RILPL2: variants seen among roughly 807,000 people sequenced by gnomAD.
The protein encoded by RILPL2 is RILP-like protein 2.
A neutral mutation model predicts 22.2 loss-of-function variants in RILPL2; 19 were observed. That is an observed-to-expected ratio of 0.86 (90% CI 0.60 to 1.25). The LOEUF is 1.25. Ranked by LOEUF, RILPL2 falls within the 50% of genes most tolerant of loss-of-function variation. The pLI is 0.00. For synonymous variants in RILPL2, 123 were observed against 111.6 expected (o/e 1.10, Z -0.64); for missense variants, 243 against 263.6 (o/e 0.92, Z 0.54).
chr12:123,429,401 T>C (rs566647107), intron 2 of RILPL2, among the ~76,000 whole-genome samples: 59 of 152,284 alleles, frequency 3.9e-4, no homozygotes, highest in Non-Finnish European at 7.6e-4. Flanking sequence ...TTTCAAGTGA[T>C]TCTCCTGCCT....
rs182907855 is a variant in RILPL2, at chr12:123,430,239, T to C, written c.491+269A>G. Reference sequence around the variant, plus strand: ...TCTGCCTAACACGGTGAAACTCCGTTTCTACTAAAAATACAAAAAATTAGC... The same window carrying C: ...TCTGCCTAACACGGTGAAACTCCGTCTCTACTAAAAATACAAAAAATTAGC... On this transcript the variant is annotated intron_variant, in intron 2 of 3. Coordinates refer to ENST00000280571, the MANE Select transcript of RILPL2 (RefSeq NM_145058.3). Among the ~76,000 whole-genome samples the C allele has an allele frequency of 3.4e-3, 511 of 150,488 alleles. 4 individuals are homozygous for C. The highest frequency in any genetic ancestry group is 0.011 in the African/African-American group (434 of 40,882).
At chr12:123,412,689 T>A (rs950450611), downstream of RILPL2, 1 of 152,212 alleles carries the variant, frequency 6.6e-6, no homozygotes, top group African/African-American at 2.4e-5. Context: ...AGGACAATAG[T>A]GATACCCATC....
At chr12:123,426,433 G>C (rs539537385) in intron 2 of RILPL2, among the ~76,000 whole-genome samples, 97 of 152,280 alleles carry the variant, frequency 6.4e-4, no homozygotes, top group Non-Finnish European at 1.2e-3. Context: ...GATTACAGGT[G>C]TGAGCCACCT....
At chr12:123,411,012 C>G (rs1479440669), downstream of RILPL2, 1 of 152,112 alleles carries the variant, frequency 6.6e-6, no homozygotes, top group Admixed American at 6.6e-5. Context: ...CATGCGTGAG[C>G]CACTGTGCCT....
intron 3 of RILPL2, among the ~76,000 whole-genome samples, chr12:123,421,492 C>G (rs992253983): frequency 2.6e-5 from 4 of 151,988 alleles, no homozygotes; most frequent in African/African-American, 9.7e-5. Flanking sequence ...ACCACTGCCC[C>G]CAGAGGAAGA....
chr12:123,410,270 A>G (rs554775333), downstream of RILPL2, among the ~76,000 whole-genome samples: 2 of 152,306 alleles, frequency 1.3e-5, no homozygotes, highest in Non-Finnish European at 2.9e-5. Flanking sequence ...GAGGCTCTGA[A>G]TCATCACTGC....
At chr12:123,411,379 T>A (rs892157284), downstream of RILPL2, 1 of 144,960 alleles carries the variant, frequency 6.9e-6, no homozygotes, top group Non-Finnish European at 1.5e-5. Flanking sequence ...GTAATCCCTG[T>A]AATCCCACCA....
At position 123,425,986 on chromosome 12, in the gene RILPL2, T is replaced by A. The variant is rs962944364; in HGVS notation, c.492-2829A>T. Among the ~76,000 whole-genome samples the A allele has an allele frequency of 3.0e-4, 45 of 152,090 alleles. 1 individual carries two copies. Among genetic ancestry groups the A allele is most frequent in the African/African-American group, 6.7e-4 (28 of 41,496 alleles). ...TATTGTTATCAATAATTAAAAAAAA[T>A]TTTTTTGAGACAGGGTCTTGATCCA... On this transcript the variant is annotated intron_variant, in intron 2 of 3. Transcript: ENST00000280571.
At position 123,415,113 on chromosome 12, in the gene RILPL2, G is replaced by A. The variant is rs777558322; in HGVS notation, c.*778C>T. The A allele has an allele frequency of 4.6e-5, 7 of 152,242 alleles. No homozygotes were observed. In the East Asian group the frequency reaches 5.8e-4, roughly 13 times the overall value. 9.4% of individuals were successfully genotyped at this position (152,242 alleles called of 1,614,324 possible). On this transcript the variant is annotated 3_prime_UTR_variant, in exon 4 of 4. Coordinates refer to ENST00000280571, the MANE Select transcript of RILPL2 (RefSeq NM_145058.3). ...GCGGCAGCCTCATTAGTTCCTTTGC[G>A]AAGTGCAGACACCCGCTCTCTGTTT...
rs957774728 is a variant in RILPL2, at chr12:123,436,507, C to G, written c.-87G>C. 1.7e-5 allele frequency: 25 copies of G among 1,487,454 alleles called. No homozygotes were observed. The East Asian group carries it at 3.2e-4, about 19-fold the overall frequency. The allele number at this position is 1,487,454 out of a possible 1,614,324, so 92.1% of individuals were successfully genotyped here. ...TCCTCCCGGCACCCAAAACTTTCCGCTGGGCAGAGTCCCTACCTGCCCAAT... is the reference window on the plus strand; with the variant it reads ...TCCTCCCGGCACCCAAAACTTTCCGGTGGGCAGAGTCCCTACCTGCCCAAT... On this transcript the variant is annotated 5_prime_UTR_variant, in exon 1 of 4. Coordinates refer to ENST00000280571, the MANE Select transcript of RILPL2 (RefSeq NM_145058.3). This position sits in a 1 kb window ranked among gnomAD's most constrained non-coding sequence, Gnocchi z 6.7.
intron 1 of RILPL2, among the ~76,000 whole-genome samples, 179 bp downstream of exon 1, chr12:123,435,903 G>C (rs990647696): frequency 8.6e-5 from 13 of 151,952 alleles, no homozygotes; most frequent in Non-Finnish European, 4.4e-5. Context: ...TGAGGCTGGG[G>C]GATCACTTGG....
intron 3 of RILPL2, among the ~76,000 whole-genome samples, chr12:123,422,285 G>A (rs544310301): frequency 8.6e-5 from 13 of 151,938 alleles, no homozygotes; most frequent in African/African-American, 3.1e-4. Context: ...CACTTTGGGA[G>A]GCTGAGGCAG....
rs1277483165 is a variant in RILPL2, at chr12:123,415,301, A to T, written c.*590T>A. The T allele has an allele frequency of 6.5e-6, 1 of 153,166 alleles. No homozygotes were observed. Among genetic ancestry groups the T allele is most frequent in the Non-Finnish European group, 1.5e-5 (1 of 68,416 alleles). 9.5% of individuals were successfully genotyped at this position (153,166 alleles called of 1,614,324 possible). A position where few individuals can be genotyped will look rare whatever the true frequency, so the allele number is the denominator to read the frequency against. On this transcript the variant is annotated 3_prime_UTR_variant, in exon 4 of 4. Transcript: ENST00000280571. ...TAGACTGAATGAATGCAATTGATTC[A>T]TTATACAATGAAATGTAGATATATG...
chr12:123,422,927 C>A, intron 3 of RILPL2, 117 bp downstream of exon 3: 1 of 706,392 alleles, frequency 1.4e-6, no homozygotes, highest in Non-Finnish European at 2.5e-6. Context: ...TGCAGCACCA[C>A]AACCGGGAGA....
chr12:123,420,045 G>C (rs1380791133), intron 3 of RILPL2, among the ~76,000 whole-genome samples: 2 of 110,982 alleles, frequency 1.8e-5, no homozygotes, highest in African/African-American at 7.0e-5. Flanking sequence ...TTTTTTTTGA[G>C]ACAGAGTCTT....
At chr12:123,423,579 C>T (rs28706696) in intron 2 of RILPL2, among the ~76,000 whole-genome samples, 26,687 of 151,548 alleles carry the variant, frequency 0.18, 2,493 homozygotes, top group Middle Eastern at 0.27. Flanking sequence ...GGTAATATTA[C>T]GGTTGAAAGC....
At chr12:123,428,478 C>T (rs926714501) in intron 2 of RILPL2, among the ~76,000 whole-genome samples, 13 of 152,192 alleles carry the variant, frequency 8.5e-5, no homozygotes, top group African/African-American at 3.1e-4. Flanking sequence ...TCCATGAACA[C>T]GGTTCCAACC....
intron 3 of RILPL2, among the ~76,000 whole-genome samples, chr12:123,417,789 T>C (rs188639751): frequency 3.3e-4 from 51 of 152,342 alleles, no homozygotes; most frequent in Non-Finnish European, 4.7e-4. Context: ...TTCTCCATGT[T>C]GGCCAGGTTC....
chr12:123,419,999 T>C (rs1879232373), intron 3 of RILPL2, among the ~76,000 whole-genome samples: 1 of 145,362 alleles, frequency 6.9e-6, no homozygotes, highest in Admixed American at 7.1e-5. Flanking sequence ...CTAATTTTTG[T>C]ATTTTTAGTA....
Sources: gnomAD v4.1 joint callset for allele counts (sites outside exome capture counted in the v4.1 genomes callset) on GRCh38, gnomAD v4.1.1 for gene constraint, Gnocchi (gnomAD v3.1) non-coding constraint, MANE v1.5 for transcripts, NCBI Gene and HGNC (gene_info 2026-07-23, HGNC 2026-07-21) for gene names.